TMEM131L: variants seen among roughly 807,000 people sequenced by gnomAD.
TMEM131L encodes transmembrane 131 like.
In TMEM131L, 54 loss-of-function variants were observed where a neutral mutation model predicts 192.2. That is an observed-to-expected ratio of 0.28 (90% CI 0.23 to 0.35). The LOEUF (loss-of-function observed/expected upper bound fraction) is 0.35. Among genes scored for constraint, TMEM131L ranks in the 10% least tolerant of loss-of-function variants. The pLI, the probability that TMEM131L is intolerant of heterozygous loss-of-function variation, is 1.00. For synonymous variants in TMEM131L, 701 were observed against 704.9 expected (o/e 0.99, Z 0.09); for missense variants, 1,888 against 1,972.9 (o/e 0.96, Z 0.82).
chr4:153,492,335 C>T (rs1400269500), intron 3 of TMEM131L, among the ~76,000 whole-genome samples: 1 of 152,190 alleles, frequency 6.6e-6, no homozygotes, highest in African/African-American at 2.4e-5. Context: ...TTTTAGTTCA[C>T]TTTAAATTAA....
At chr4:153,488,863 G>C (rs749324865) in intron 3 of TMEM131L, among the ~76,000 whole-genome samples, 3 of 152,176 alleles carry the variant, frequency 2.0e-5, no homozygotes, top group Non-Finnish European at 4.4e-5. Flanking sequence ...CCGGCAGCCT[G>C]TGGGGTTTCT....
At position 153,596,391 on chromosome 4, in the gene TMEM131L, T is replaced by G; in HGVS notation, c.2123+6T>G. 1.9e-6 allele frequency: 3 copies of G among 1,613,050 alleles called. No homozygotes were observed. The highest frequency in any genetic ancestry group is 2.5e-6 in the Non-Finnish European group (3 of 1,179,222). ...ACCTCACTCATACTAATCCGGTAGG[T>G]GTGTTCCTGTTGTAGAATCTGTTTC... On this transcript the variant is annotated splice_donor_region_variant and intron_variant, in intron 20 of 34. Coordinates refer to ENST00000409959, the MANE Select transcript of TMEM131L (RefSeq NM_001131007.2).
chr4:153,632,797 C>T lies in TMEM131L; in HGVS notation c.4287C>T (p.Gly1429=), dbSNP rs371057515. Residue 1429 remains glycine (G), a synonymous_variant, in exon 32 of 35, where the codon GGC becomes GGT. Transcript: ENST00000409959. ...TSSLNCTLEN[G]VPCVIQESAP... is the part of the protein sequence containing the mutation. ...GCTTAAACTGCACCCTGGAGAACGG[C>T]GTGCCTTGTGTGATTCAGGAGTCGG... 7 of 1,613,952 alleles carry T rather than the reference C, an allele frequency of 4.3e-6. No homozygotes were observed. The highest frequency in any genetic ancestry group is 4.2e-6 in the Non-Finnish European group (5 of 1,179,994).
intron 3 of TMEM131L, among the ~76,000 whole-genome samples, chr4:153,540,228 G>A (rs970987663): frequency 1.2e-4 from 18 of 151,814 alleles, no homozygotes; most frequent in Admixed American, 3.3e-4. Context: ...TTGTTCTTCG[G>A]TCCTACTGAG....
intron 3 of TMEM131L, among the ~76,000 whole-genome samples, chr4:153,483,114 G>A (rs1486067432): frequency 6.6e-6 from 1 of 152,074 alleles, no homozygotes; most frequent in Non-Finnish European, 1.5e-5. Flanking sequence ...CAACTTTCCT[G>A]AAACAAAAAA....
At chr4:153,483,567 A>C (rs1182395632) in intron 3 of TMEM131L, among the ~76,000 whole-genome samples, 1 of 151,844 alleles carries the variant, frequency 6.6e-6, no homozygotes, top group Non-Finnish European at 1.5e-5. Context: ...GGGCGTGGTG[A>C]TGTGCACCTA....
At chr4:153,535,992 GGGTATTTATT>G (rs1406005097) in intron 3 of TMEM131L, among the ~76,000 whole-genome samples, 1 of 152,180 alleles carries the variant, frequency 6.6e-6, no homozygotes, top group Non-Finnish European at 1.5e-5. Flanking sequence ...CTTTTGGAAT[GGGTATTTATT>G]GAGAGAAGGA....
chr4:153,500,951 A>G (rs1055331433), intron 3 of TMEM131L, among the ~76,000 whole-genome samples: 1 of 152,200 alleles, frequency 6.6e-6, no homozygotes, highest in South Asian at 2.1e-4. Context: ...AAAAACCTAT[A>G]GTGAAGAAAT....
chr4:153,522,210 C>T (rs746140317), intron 3 of TMEM131L, among the ~76,000 whole-genome samples: 37 of 152,122 alleles, frequency 2.4e-4, no homozygotes, highest in Non-Finnish European at 4.1e-4. Flanking sequence ...AACCCTCAAC[C>T]GCCATTTGTG....
rs1236736344 is a variant in TMEM131L, at chr4:153,621,768, T to C, written c.3778T>C (p.Cys1260Arg). The change falls in exon 28 of 35, where the codon TGT becomes CGT. Residue 1260 changes from cysteine to arginine, a missense_variant. Cys to Arg is a radical substitution (Grantham distance 180). Transcript: ENST00000409959. ...LSSDINVRSW[C>R]IQESTREVCK... ...CAGTGACATCAATGTAAGAAGCTGG[T>C]GTATACAGGAAAGCACTAGGGAGGT... The C allele has an allele frequency of 1.2e-6, 2 of 1,613,904 alleles. No individual in the cohort carries two copies. Among genetic ancestry groups the C allele is most frequent in the Non-Finnish European group, 1.7e-6 (2 of 1,179,900 alleles).
chr4:153,615,639 G>A (rs1460440917), intron 26 of TMEM131L, among the ~76,000 whole-genome samples: 1 of 152,194 alleles, frequency 6.6e-6, no homozygotes, highest in Non-Finnish European at 1.5e-5. Flanking sequence ...GTTAGGAGTT[G>A]AACTTAACAT....
At chr4:153,484,579 C>T (rs1732175789) in intron 3 of TMEM131L, among the ~76,000 whole-genome samples, 1 of 150,936 alleles carries the variant, frequency 6.6e-6, no homozygotes, top group African/African-American at 2.4e-5. Flanking sequence ...TGCCATTCTC[C>T]TGCCTCAGCC....
At chr4:153,585,759 A>G in intron 13 of TMEM131L, 148 bp downstream of exon 13, 1 of 504,832 alleles carries the variant, frequency 2.0e-6, no homozygotes, top group Non-Finnish European at 3.1e-6. Flanking sequence ...TTTTTAAAAC[A>G]TGTATTTTTC....
At chr4:153,495,324 CAAAA>C (rs987730764) in intron 3 of TMEM131L, among the ~76,000 whole-genome samples, 1 of 141,196 alleles carries the variant, frequency 7.1e-6, no homozygotes, top group Non-Finnish European at 1.5e-5. Flanking sequence ...CGTCTGAAAA[CAAAA>C]AAAAAAAACA....
rs777615564 is a variant in TMEM131L, at chr4:153,588,958, A to G, written c.1621A>G (p.Asn541Asp). 3 of 1,607,160 alleles carry G rather than the reference A, an allele frequency of 1.9e-6. No homozygotes were observed. The highest frequency in any genetic ancestry group is 1.3e-5 in the African/African-American group (1 of 74,920). The change falls in exon 16 of 35, where the codon AAT (asparagine) becomes GAT (aspartate). Residue 541 changes from asparagine to aspartate, a missense_variant. Asn to Asp is a conservative substitution (Grantham distance 23). Transcript: ENST00000409959. The stretch of plus-strand genomic sequence containing the variant: ...CTGGAATGTGGATTCTGAACTTGCA[A>G]ATAAATTGTATGAAAGATGGAAGAA... ...STWNVDSELA[N>D]KLYERWKKYK...
At chr4:153,510,585 G>GCA (rs925803187) in intron 3 of TMEM131L, among the ~76,000 whole-genome samples, 1 of 152,074 alleles carries the variant, frequency 6.6e-6, no homozygotes, top group Non-Finnish European at 1.5e-5. Context: ...TCCCATTTTT[G>GCA]CATTCAGTAA....
At chr4:153,475,952 G>A (rs1239250187) in intron 3 of TMEM131L, among the ~76,000 whole-genome samples, 2 of 152,094 alleles carry the variant, frequency 1.3e-5, no homozygotes, top group African/African-American at 4.8e-5. Context: ...AATACAAATT[G>A]TATTGATAAC....
chr4:153,609,184 G>T (rs897102344), intron 25 of TMEM131L, among the ~76,000 whole-genome samples: 2 of 152,158 alleles, frequency 1.3e-5, no homozygotes, highest in Non-Finnish European at 1.5e-5. Flanking sequence ...AGTTCTGTGG[G>T]CTGTACAGGC....
At chr4:153,545,870 T>C (rs1388841095) in intron 3 of TMEM131L, among the ~76,000 whole-genome samples, 1 of 152,026 alleles carries the variant, frequency 6.6e-6, no homozygotes, top group African/African-American at 2.4e-5. Flanking sequence ...CTTTATTTCT[T>C]ATCCTCGTGC....
Sources: gnomAD v4.1 joint callset for allele counts (sites outside exome capture counted in the v4.1 genomes callset) on GRCh38, gnomAD v4.1.1 for gene constraint, MANE v1.5 for transcripts, NCBI Gene and HGNC (gene_info 2026-07-23, HGNC 2026-07-21) for gene names.